Variants in LDB2 observed in about 807,000 individuals in gnomAD.
LDB2 encodes the protein LIM domain binding 2, also known as LIM domain-binding protein 2.
LDB2 carries 12 observed loss-of-function variants against 44.3 expected under a neutral mutation model. The ratio of observed to expected loss-of-function variants is 0.27; its 90% CI spans 0.17 to 0.44. The LOEUF is 0.44. Ranked by LOEUF, LDB2 falls within the 20% of genes least tolerant of loss-of-function variation. LDB2 has a pLI of 1.00. For synonymous variants in LDB2, 164 were observed against 174.8 expected, an observed-to-expected ratio of 0.94 and a Z score of 0.49; for missense variants, 344 against 473.5, an observed-to-expected ratio of 0.73 and a Z score of 2.54.
At chr4:16,755,012 G>T (rs773067691) in intron 2 of LDB2, among the ~76,000 whole-genome samples, 1 of 152,128 alleles carries the variant, frequency 6.6e-6, no homozygotes, top group Non-Finnish European at 1.5e-5. Context: ...CCTTCTCCAC[G>T]TATCTCTCCT....
intron 1 of LDB2, among the ~76,000 whole-genome samples, chr4:16,861,052 G>A (rs1261020093): frequency 6.6e-6 from 1 of 152,162 alleles, no homozygotes; most frequent in Non-Finnish European, 1.5e-5. Flanking sequence ...AGGGTATGGA[G>A]GACTTCTCTG....
chr4:16,578,274 A>C (rs774509140), intron 5 of LDB2, among the ~76,000 whole-genome samples: 4 of 152,224 alleles, frequency 2.6e-5, no homozygotes, highest in Non-Finnish European at 5.9e-5. Flanking sequence ...GACAATCCAC[A>C]GAGTGGGAGA....
intron 2 of LDB2, among the ~76,000 whole-genome samples, chr4:16,695,377 A>G (rs1751876453): frequency 1.3e-5 from 2 of 151,984 alleles, no homozygotes; most frequent in African/African-American, 4.8e-5. Context: ...CTAAAAATAC[A>G]AAATTAGCCA....
chr4:16,719,444 C>A (rs535733364), intron 2 of LDB2, among the ~76,000 whole-genome samples: 4 of 151,988 alleles, frequency 2.6e-5, no homozygotes, highest in South Asian at 2.1e-4. Context: ...ATCCCTTTGA[C>A]GCTTGTTCTT....
chr4:16,602,308 T>C (rs1003622144), intron 2 of LDB2, among the ~76,000 whole-genome samples: 49 of 152,134 alleles, frequency 3.2e-4, no homozygotes, highest in African/African-American at 1.1e-3. Flanking sequence ...TGAGTCCCAA[T>C]TGAACAAAGC....
rs919186687 is a variant in LDB2, at chr4:16,714,424, T to A, written c.235+44734A>T. Among the ~76,000 whole-genome samples, 6 of 152,138 alleles carry A rather than the reference T, an allele frequency of 3.9e-5. No individual in the cohort carries two copies. In the South Asian group the frequency reaches 6.2e-4, roughly 16 times the overall value. On this transcript the variant is annotated intron_variant, in intron 2 of 7. Transcript: ENST00000304523. ...GGCCTGGCATTGTTCCCTGGAGGAC[T>A]TTTTTGCACTTGAGGTGCTTTTGCT...
chr4:16,719,904 G>A (rs1377620676), intron 2 of LDB2, among the ~76,000 whole-genome samples: 1 of 152,128 alleles, frequency 6.6e-6, no homozygotes, highest in Non-Finnish European at 1.5e-5. Flanking sequence ...TGAGGAAACT[G>A]AAATCTAATG....
intron 4 of LDB2, among the ~76,000 whole-genome samples, chr4:16,587,091 G>C (rs1173111322): frequency 6.6e-6 from 1 of 152,146 alleles, no homozygotes; most frequent in Non-Finnish European, 1.5e-5. Context: ...TTATGTGCTA[G>C]GAAGCGTTTG....
chr4:16,790,445 A>G lies in LDB2; in HGVS notation c.133-31185T>C, dbSNP rs562397788. On this transcript the variant is annotated intron_variant, in intron 1 of 7. Transcript: ENST00000304523. ...ACATGGCACTAGATATCAGCAATGC[A>G]GCATGAGTAGAGGAAATGATTGATA... is the stretch of plus-strand genomic sequence containing the variant. Among the ~76,000 whole-genome samples the G allele has an allele frequency of 4.0e-3, 605 of 152,358 alleles. 4 individuals carry two copies. The highest frequency in any genetic ancestry group is 0.014 in the African/African-American group (584 of 41,588).
chr4:16,509,489 A>G (rs1448480701), intron 6 of LDB2, among the ~76,000 whole-genome samples: 1 of 152,242 alleles, frequency 6.6e-6, no homozygotes, highest in African/African-American at 2.4e-5. Context: ...ATAGAGACCC[A>G]AGGTAAAGTG....
intron 1 of LDB2, among the ~76,000 whole-genome samples, chr4:16,809,561 G>A (rs1779405973): frequency 1.3e-5 from 2 of 152,028 alleles, no homozygotes; most frequent in Admixed American, 6.6e-5. Context: ...ATCAGGGAGT[G>A]GATTTCTGTC....
intron 5 of LDB2, among the ~76,000 whole-genome samples, chr4:16,531,050 C>T (rs985118419): frequency 2.0e-5 from 3 of 152,130 alleles, no homozygotes; most frequent in Non-Finnish European, 4.4e-5. Flanking sequence ...AGACCCATAG[C>T]TAGAAAGTAG....
chr4:16,746,515 A>C (rs1420772741), intron 2 of LDB2, among the ~76,000 whole-genome samples: 1 of 152,190 alleles, frequency 6.6e-6, no homozygotes, highest in African/African-American at 2.4e-5. Context: ...GGCTGGGTGC[A>C]GTGGATCATG....
intron 2 of LDB2, among the ~76,000 whole-genome samples, chr4:16,619,086 T>A (rs1235453275): frequency 1.3e-5 from 2 of 152,118 alleles, no homozygotes; most frequent in Admixed American, 1.3e-4. Flanking sequence ...CAATTAAACC[T>A]CTTTTCTTTA....
At chr4:16,892,650 T>TG (rs1354726749) in intron 1 of LDB2, among the ~76,000 whole-genome samples, 2 of 152,206 alleles carry the variant, frequency 1.3e-5, no homozygotes, top group Non-Finnish European at 2.9e-5. Context: ...GTTGGATGTT[T>TG]GGGGTTGTTT....
At chr4:16,570,119 A>G (rs1187922676) in intron 5 of LDB2, among the ~76,000 whole-genome samples, 1 of 152,156 alleles carries the variant, frequency 6.6e-6, no homozygotes, top group South Asian at 2.1e-4. Context: ...ACTGCATATC[A>G]GGTCCTTGTT....
At chr4:16,675,089 C>T (rs1745922891) in intron 2 of LDB2, among the ~76,000 whole-genome samples, 1 of 152,074 alleles carries the variant, frequency 6.6e-6, no homozygotes, top group Non-Finnish European at 1.5e-5. Flanking sequence ...TTTTTAAAAA[C>T]TTTTATTTTG....
chr4:16,863,783 T>C (rs970748010), intron 1 of LDB2, among the ~76,000 whole-genome samples: 1 of 150,026 alleles, frequency 6.7e-6, no homozygotes, highest in South Asian at 2.2e-4. Flanking sequence ...GCCTCAGCCT[T>C]CCGAGTAGCT....
chr4:16,846,500 T>G (rs1377367512), intron 1 of LDB2, among the ~76,000 whole-genome samples: 4 of 152,358 alleles, frequency 2.6e-5, no homozygotes, highest in Admixed American at 2.6e-4. Flanking sequence ...CTATATATTT[T>G]TTATGGCCTG....
Sources: allele counts gnomAD v4.1 joint callset (sites outside exome capture counted in the v4.1 genomes callset), GRCh38; gene constraint gnomAD v4.1.1; transcripts MANE v1.5; gene names NCBI Gene and HGNC (gene_info 2026-07-23, HGNC 2026-07-21).